SPMIP6: variants seen among roughly 807,000 people sequenced by gnomAD.
SPMIP6 encodes the protein ciliated bronchial epithelial protein 1.
At chr9:34,388,927 TC>T in the SPMIP6 span, among the ~76,000 whole-genome samples, 108 of 100,522 alleles carry the variant, frequency 1.1e-3, no homozygotes, top group Admixed American at 8.9e-4. Flanking sequence ...CTTTCCTCTC[TC>T]TTTCTTTTTT....
chr9:34,392,442 C>CAT, the SPMIP6 span, among the ~76,000 whole-genome samples: 7 of 148,228 alleles, frequency 4.7e-5, no homozygotes, highest in South Asian at 2.2e-4. This position sits in a 1 kb window ranked among gnomAD's most constrained non-coding sequence, Gnocchi z 4.6. Flanking sequence ...ATCTAAAAAC[C>CAT]GTGTGTGTGT....
At chr9:34,380,419 G>A in the SPMIP6 span, among the ~76,000 whole-genome samples, 1 of 152,186 alleles carries the variant, frequency 6.6e-6, no homozygotes, top group Admixed American at 6.5e-5. Context: ...TAGCCCCCAG[G>A]AATGACCGCA....
chr9:34,379,174 T>C, the SPMIP6 span: 16 of 1,609,998 alleles, frequency 9.9e-6, no homozygotes, highest in African/African-American at 9.4e-5. The surrounding 1 kb of genome is among the most constrained non-coding windows in gnomAD (Gnocchi z 4.2). Flanking sequence ...AAGTGACTTG[T>C]GTCCCATCTA....
At chr9:34,397,396 C>T in the SPMIP6 span, 15 of 1,286,548 alleles carry the variant, frequency 1.2e-5, no homozygotes, top group African/African-American at 1.7e-4. Context: ...ATGAATAAAA[C>T]ACACACATAC....
the SPMIP6 span, among the ~76,000 whole-genome samples, chr9:34,384,397 G>C: frequency 6.6e-6 from 1 of 152,348 alleles, no homozygotes; most frequent in East Asian, 1.9e-4. Context: ...CATCAGAGAA[G>C]CTGAGGAGGA....
chr9:34,387,030 ATTTTT>A, the SPMIP6 span, among the ~76,000 whole-genome samples: 7 of 140,188 alleles, frequency 5.0e-5, no homozygotes, highest in African/African-American at 1.1e-4. Flanking sequence ...GATCCTTATG[ATTTTT>A]TTTTTTTTTT....
the SPMIP6 span, among the ~76,000 whole-genome samples, chr9:34,387,359 C>T: frequency 6.6e-6 from 1 of 152,162 alleles, no homozygotes; most frequent in African/African-American, 2.4e-5. Flanking sequence ...TCCTCAAAAC[C>T]TCTCTGCTCA....
At chr9:34,383,127 T>G in the SPMIP6 span, among the ~76,000 whole-genome samples, 1 of 152,212 alleles carries the variant, frequency 6.6e-6, no homozygotes, top group African/African-American at 2.4e-5. Context: ...CCACTACCCT[T>G]TTTGAATCAG....
At chr9:34,379,526 A>T in the SPMIP6 span, 2 of 879,472 alleles carry the variant, frequency 2.3e-6, no homozygotes, top group Non-Finnish European at 1.9e-6. The surrounding 1 kb of genome is among the most constrained non-coding windows in gnomAD (Gnocchi z 4.2). Flanking sequence ...CCCTCGTGGT[A>T]TGTGCCTGTC....
chr9:34,385,790 G>A, the SPMIP6 span: 5 of 1,611,246 alleles, frequency 3.1e-6, no homozygotes, highest in African/African-American at 1.3e-5. Context: ...CCCTGGGCAA[G>A]GGGAGAGGAG....
At chr9:34,393,312 G>A in the SPMIP6 span, among the ~76,000 whole-genome samples, 1 of 152,146 alleles carries the variant, frequency 6.6e-6, no homozygotes, top group Non-Finnish European at 1.5e-5. Flanking sequence ...TTTACCTCAT[G>A]TTTATCAGTT....
the SPMIP6 span, among the ~76,000 whole-genome samples, chr9:34,387,258 C>T: frequency 6.6e-6 from 1 of 152,120 alleles, no homozygotes; most frequent in East Asian, 1.9e-4. Flanking sequence ...ACCTTGACTT[C>T]CCAAAGTGCT....
At chr9:34,382,939 C>T in the SPMIP6 span, 1 of 1,040,958 alleles carries the variant, frequency 9.6e-7, no homozygotes. Flanking sequence ...AGATCCCCTA[C>T]ATGTTTCTCT....
chr9:34,382,682 C>T, the SPMIP6 span: 3 of 923,790 alleles, frequency 3.2e-6, no homozygotes, highest in South Asian at 2.6e-5. Context: ...AAATATCAGT[C>T]ACTGTAGTTT....
chr9:34,394,909 G>C, the SPMIP6 span, among the ~76,000 whole-genome samples: 1 of 151,716 alleles, frequency 6.6e-6, no homozygotes, highest in Middle Eastern at 3.5e-3. Context: ...GAAGCAACAG[G>C]GCCCTTCAGA....
chr9:34,379,564 T>C, the SPMIP6 span: 10 of 1,247,334 alleles, frequency 8.0e-6, no homozygotes, highest in East Asian at 1.4e-4. The surrounding 1 kb of genome is among the most constrained non-coding windows in gnomAD (Gnocchi z 4.2). Context: ...TCTCATCCCG[T>C]CTACCAGACA....
chr9:34,382,506 A>C, the SPMIP6 span, among the ~76,000 whole-genome samples: 1 of 151,758 alleles, frequency 6.6e-6, no homozygotes, highest in Non-Finnish European at 1.5e-5. Flanking sequence ...AATTGCTTGA[A>C]CCCAGGAGGC....
chr9:34,386,727 G>A, the SPMIP6 span, among the ~76,000 whole-genome samples: 185 of 152,174 alleles, frequency 1.2e-3, no homozygotes, highest in African/African-American at 4.3e-3. Flanking sequence ...CACTTTTCCT[G>A]TTCTTGGTCC....
At chr9:34,393,590 T>C in the SPMIP6 span, among the ~76,000 whole-genome samples, 4 of 152,012 alleles carry the variant, frequency 2.6e-5, no homozygotes, top group Non-Finnish European at 4.4e-5. Context: ...ATTTCTTCTA[T>C]TTTTTTTCTC....
Sources: allele counts gnomAD v4.1 joint callset (sites outside exome capture counted in the v4.1 genomes callset), GRCh38; gene constraint gnomAD v4.1.1; non-coding constraint Gnocchi (gnomAD v3.1); transcripts MANE v1.5; gene names NCBI Gene and HGNC (gene_info 2026-07-23, HGNC 2026-07-21).